Variants in SPATA17 observed in about 807,000 individuals in gnomAD.
SPATA17 encodes the protein spermatogenesis associated 17.
SPATA17 carries 53 observed loss-of-function variants against 62.2 expected under a neutral mutation model. That is an observed-to-expected ratio of 0.85 (90% CI 0.68 to 1.07). The LOEUF (loss-of-function observed/expected upper bound fraction) is 1.07, where lower values mean the gene tolerates loss of function less well. Among genes scored for constraint, SPATA17 ranks in the 50% least tolerant of loss-of-function variants. SPATA17 has a pLI of 0.00. For synonymous variants in SPATA17, 146 were observed against 146.8 expected (o/e 0.99, Z 0.04); for missense variants, 466 against 425.5 (o/e 1.10, Z -0.84).
intron 5 of SPATA17, among the ~76,000 whole-genome samples, chr1:217,730,798 A>G (rs7551547): frequency 1.3e-5 from 2 of 152,084 alleles, no homozygotes; most frequent in African/African-American, 2.4e-5. Flanking sequence ...TTTTAAAAAA[A>G]CTCTGTGATA....
At chr1:217,822,550 A>G (rs1346515104) in intron 9 of SPATA17, among the ~76,000 whole-genome samples, 3 of 150,394 alleles carry the variant, frequency 2.0e-5, no homozygotes, top group Non-Finnish European at 4.4e-5. Flanking sequence ...CTTAGCCACT[A>G]TATCTTCAAA....
rs2102921524 is a variant in SPATA17 at position 217,703,993 on chromosome 1, T to C, written c.395+20632T>C. Among the ~76,000 whole-genome samples the C allele has an allele frequency of 1.3e-5, 2 of 152,174 alleles. 1 individual carries two copies. The highest frequency in any genetic ancestry group is 4.8e-5 in the African/African-American group (2 of 41,574). On this transcript the variant is annotated intron_variant, in intron 5 of 10. Transcript: ENST00000366933. Reference sequence around the variant, plus strand: ...GGGTGGGGCTCTTTTAATAAAATCCTCTCTCCCTCTTTATTTCATGTTGCT... The same window carrying C: ...GGGTGGGGCTCTTTTAATAAAATCCCCTCTCCCTCTTTATTTCATGTTGCT...
intron 9 of SPATA17, among the ~76,000 whole-genome samples, chr1:217,814,461 G>A (rs1674666834): frequency 6.6e-6 from 1 of 152,134 alleles, no homozygotes; most frequent in African/African-American, 2.4e-5. Context: ...TTCTGACAGT[G>A]AGAGGTTTAA....
chr1:217,839,068 A>T (rs1402930843), intron 9 of SPATA17, among the ~76,000 whole-genome samples: 1 of 152,072 alleles, frequency 6.6e-6, no homozygotes, highest in Non-Finnish European at 1.5e-5. Flanking sequence ...AACACCCTGG[A>T]TATTAAAAGC....
At chr1:217,756,993 G>A (rs910682318) in intron 6 of SPATA17, among the ~76,000 whole-genome samples, 2 of 152,130 alleles carry the variant, frequency 1.3e-5, no homozygotes, top group Non-Finnish European at 2.9e-5. Context: ...TTTACTTAAT[G>A]AATACTCATG....
chr1:217,709,094 G>A (rs144062531), intron 5 of SPATA17, among the ~76,000 whole-genome samples: 11 of 152,204 alleles, frequency 7.2e-5, no homozygotes, highest in Non-Finnish European at 1.2e-4. Flanking sequence ...TAAATATACT[G>A]GATTTGCAGT....
intron 9 of SPATA17, among the ~76,000 whole-genome samples, chr1:217,802,068 G>A (rs1275561241): frequency 6.6e-6 from 1 of 151,482 alleles, no homozygotes; most frequent in African/African-American, 2.4e-5. Context: ...TAACTTAGCT[G>A]CCCTAGGATC....
At chr1:217,752,328 A>G (rs1672935642) in intron 6 of SPATA17, among the ~76,000 whole-genome samples, 1 of 152,130 alleles carries the variant, frequency 6.6e-6, no homozygotes, top group Non-Finnish European at 1.5e-5. Flanking sequence ...ACACCTGGCA[A>G]TATTTTTTAT....
chr1:217,710,838 G>C (rs760644251), intron 5 of SPATA17, among the ~76,000 whole-genome samples: 1 of 151,752 alleles, frequency 6.6e-6, no homozygotes, highest in Admixed American at 6.6e-5. Context: ...CATTCTACTT[G>C]TCCCCCCTCA....
intron 6 of SPATA17, among the ~76,000 whole-genome samples, chr1:217,747,570 G>T (rs1455112661): frequency 6.6e-6 from 1 of 152,032 alleles, no homozygotes; most frequent in Non-Finnish European, 1.5e-5. Context: ...TCTTATTAGT[G>T]AAAATGTTAC....
chr1:217,690,787 A>G (rs1671335447), intron 5 of SPATA17, among the ~76,000 whole-genome samples: 2 of 132,032 alleles, frequency 1.5e-5, no homozygotes, highest in South Asian at 5.1e-4. Flanking sequence ...ATGGTTTCCA[A>G]TTTCATCCAT....
At chr1:217,783,651 A>G (rs1158360459) in intron 8 of SPATA17, among the ~76,000 whole-genome samples, 1 of 152,112 alleles carries the variant, frequency 6.6e-6, no homozygotes, top group Admixed American at 6.6e-5. Context: ...CCTATTTCCA[A>G]TGATGCAAAG....
At chr1:217,742,145 T>A (rs757589725) in intron 6 of SPATA17, 47 bp downstream of exon 6, 1 of 1,602,728 alleles carries the variant, frequency 6.2e-7, no homozygotes, top group South Asian at 1.1e-5. Context: ...CTTGGGCCCC[T>A]AGCCTGACAA....
intron 1 of SPATA17, among the ~76,000 whole-genome samples, chr1:217,635,384 G>A (rs1361263069): frequency 2.0e-5 from 3 of 152,040 alleles, no homozygotes; most frequent in African/African-American, 7.2e-5. Flanking sequence ...CCACAAGGTG[G>A]GGGCCCTTTA....
intron 9 of SPATA17, among the ~76,000 whole-genome samples, chr1:217,841,728 A>G (rs1304049041): frequency 1.3e-5 from 2 of 151,826 alleles, no homozygotes; most frequent in Non-Finnish European, 2.9e-5. Flanking sequence ...GTTCAAGACC[A>G]TGTTATGAAT....
intron 5 of SPATA17, among the ~76,000 whole-genome samples, chr1:217,709,394 TC>T (rs1369824967): frequency 2.0e-5 from 3 of 152,096 alleles, no homozygotes; most frequent in African/African-American, 7.2e-5. Context: ...AAGATTCACT[TC>T]CAAGCTCACT....
intron 5 of SPATA17, among the ~76,000 whole-genome samples, chr1:217,689,502 A>G (rs7531126): frequency 0.19 from 28,781 of 152,032 alleles, 3,036 homozygotes; most frequent in African/African-American, 0.28. Context: ...CTGGGATTAT[A>G]GGTGTGAGCC....
rs144334983 is a variant in SPATA17, at chr1:217,730,310, C to T, written c.396-11665C>T. On this transcript the variant is annotated intron_variant, in intron 5 of 10. Coordinates refer to ENST00000366933, the MANE Select transcript of SPATA17 (RefSeq NM_138796.4). ...TCGGCTCACTGCAACCTCTGTCTCC[C>T]GGGTTCCAGCAATTCTCCTGCCTCA... 5.0e-3 allele frequency among the ~76,000 whole-genome samples: 757 copies of T among 151,726 alleles called. 2 individuals carry two copies. Among genetic ancestry groups the T allele is most frequent in the Admixed American group, 9.9e-3 (151 of 15,230 alleles).
intron 1 of SPATA17, among the ~76,000 whole-genome samples, chr1:217,646,348 A>G (rs752423514): frequency 7.9e-5 from 12 of 152,190 alleles, no homozygotes; most frequent in Admixed American, 2.6e-4. Flanking sequence ...AATTCTTAAC[A>G]CTAACACTTG....
Sources: allele counts gnomAD v4.1 joint callset (sites outside exome capture counted in the v4.1 genomes callset), GRCh38; gene constraint gnomAD v4.1.1; transcripts MANE v1.5; gene names NCBI Gene and HGNC (gene_info 2026-07-23, HGNC 2026-07-21).